Variants in MGAT5 observed in about 807,000 individuals in gnomAD.
MGAT5 encodes the protein alpha-1,6-mannosylglycoprotein 6-beta-N-acetylglucosaminyltransferase A.
A neutral mutation model predicts 94.3 loss-of-function variants in MGAT5; 30 were observed. The ratio of observed to expected loss-of-function variants is 0.32; its 90% CI spans 0.24 to 0.43. MGAT5 has a LOEUF of 0.43. Among genes scored for constraint, MGAT5 ranks in the 20% least tolerant of loss-of-function variants. The pLI, the probability that MGAT5 is intolerant of heterozygous loss-of-function variation, is 1.00. For synonymous variants in MGAT5, 310 were observed against 322.9 expected, an observed-to-expected ratio of 0.96 and a Z score of 0.43; for missense variants, 691 against 905.5, an observed-to-expected ratio of 0.76 and a Z score of 3.04.
chr2:134,344,680 A>T (rs564172464), intron 7 of MGAT5, among the ~76,000 whole-genome samples: 1 of 152,266 alleles, frequency 6.6e-6, no homozygotes, highest in South Asian at 2.1e-4. Flanking sequence ...AGTCAGACCC[A>T]TATCTTCCTT....
rs1686123380 is a variant in MGAT5, at chr2:134,451,769, A to G, written c.*2922A>G. The stretch of plus-strand genomic sequence containing the variant: ...GGGAAAACATTCATCTAATTTACTA[A>G]AAGAGAAAGCTTTCCATTGAAAGGT... On this transcript the variant is annotated 3_prime_UTR_variant, in exon 16 of 16. Coordinates refer to ENST00000281923, the MANE Select transcript of MGAT5 (RefSeq NM_002410.5). The G allele has an allele frequency of 6.6e-6, 1 of 152,242 alleles. No homozygotes were observed. The highest frequency in any genetic ancestry group is 2.1e-4 in the South Asian group (1 of 4,826). The allele number at this position is 152,242 out of a possible 1,614,324, so 9.4% of individuals were successfully genotyped here.
intron 1 of MGAT5, among the ~76,000 whole-genome samples, chr2:134,159,214 T>TGTGTGTGTGA (rs1687617073): frequency 6.6e-6 from 1 of 151,758 alleles, no homozygotes; most frequent in Admixed American, 6.6e-5. Context: ...TGTGTGTGTG[T>TGTGTGTGTGA]GTGTGTGTGT....
rs1208512243 is a variant in MGAT5 at position 134,378,888 on chromosome 2, T to TCATAGG, written c.1380+16484_1380+16489dup. Among the ~76,000 whole-genome samples the TCATAGG allele has an allele frequency of 4.6e-5, 7 of 152,334 alleles. No individual in the cohort carries two copies. In the East Asian group the frequency reaches 1.2e-3, roughly 25 times the overall value. On this transcript the variant is annotated intron_variant, in intron 10 of 15. Coordinates refer to ENST00000281923, the MANE Select transcript of MGAT5 (RefSeq NM_002410.5). Reference sequence around the variant, plus strand: ...GCCTCAGTTTCCCAAAGTGCTGGGATCATAGGCATGAGCCATCGCGCCTGG... The same window carrying TCATAGG: ...GCCTCAGTTTCCCAAAGTGCTGGGATCATAGGCATAGGCATGAGCCATCGCGCCTGG...
intron 1 of MGAT5, among the ~76,000 whole-genome samples, chr2:134,147,481 C>A (rs1010937397): frequency 2.0e-5 from 3 of 151,056 alleles, no homozygotes; most frequent in Non-Finnish European, 4.4e-5. Context: ...GGAAGAAACA[C>A]AGATCTTTTC....
chr2:134,402,379 A>G (rs1683105443), intron 10 of MGAT5, among the ~76,000 whole-genome samples: 2 of 152,114 alleles, frequency 1.3e-5, no homozygotes, highest in Non-Finnish European at 2.9e-5. Context: ...TCTTTTTTCT[A>G]CTTTTATCTA....
intron 1 of MGAT5, among the ~76,000 whole-genome samples, chr2:134,219,757 C>T (rs766904564): frequency 2.0e-5 from 3 of 152,132 alleles, no homozygotes; most frequent in Non-Finnish European, 2.9e-5. Flanking sequence ...CACAAAAACA[C>T]AGTAAAGTGG....
chr2:134,232,288 A>G (rs1681410375), intron 1 of MGAT5, among the ~76,000 whole-genome samples: 2 of 152,134 alleles, frequency 1.3e-5, no homozygotes, highest in African/African-American at 2.4e-5. Flanking sequence ...ACAGCAGCCA[A>G]TATCAAATAT....
intron 10 of MGAT5, among the ~76,000 whole-genome samples, chr2:134,398,292 G>A (rs1452433862): frequency 1.3e-5 from 2 of 152,104 alleles, no homozygotes; most frequent in Non-Finnish European, 2.9e-5. Context: ...ATTTTTCTCT[G>A]CCCTCCATGG....
At position 134,448,994 on chromosome 2, in the gene MGAT5, C is replaced by A; in HGVS notation, c.*147C>A. 2.6e-6 allele frequency: 2 copies of A among 770,086 alleles called. No homozygotes were observed. Among genetic ancestry groups the A allele is most frequent in the Non-Finnish European group, 4.1e-6 (2 of 482,812 alleles). 47.7% of individuals were successfully genotyped at this position (770,086 alleles called of 1,614,324 possible). ...AGGTTCTGAATTGGCATTGCCCTTG[C>A]TGCACTCCGAGCAACCCAGTGGAGT... On this transcript the variant is annotated 3_prime_UTR_variant, in exon 16 of 16. Transcript: ENST00000281923.
At chr2:134,417,563 T>A (rs548109717) in intron 12 of MGAT5, among the ~76,000 whole-genome samples, 1 of 152,318 alleles carries the variant, frequency 6.6e-6, no homozygotes, top group Admixed American at 6.5e-5. Context: ...TTCCCATCAG[T>A]CAAATTTGAA....
At position 134,428,364 on chromosome 2, in the gene MGAT5, G is replaced by A; in HGVS notation, c.1795-1G>A. Reference sequence around the variant, plus strand: ...CATGGTATCATGCTCTGTTTCCACAGATTGAGCCATACATGCCATATGAAT... The same window carrying A: ...CATGGTATCATGCTCTGTTTCCACAAATTGAGCCATACATGCCATATGAAT... On this transcript the variant is annotated splice_acceptor_variant, in intron 13 of 15. Transcript: ENST00000281923. LOFTEE classifies it high-confidence loss of function. 1 of 1,613,902 alleles carries A rather than the reference G, an allele frequency of 6.2e-7. No individual in the cohort carries two copies. Among genetic ancestry groups the A allele is most frequent in the Non-Finnish European group, 8.5e-7 (1 of 1,179,856 alleles).
At chr2:134,184,594 C>A (rs913453427) in intron 1 of MGAT5, among the ~76,000 whole-genome samples, 1 of 152,186 alleles carries the variant, frequency 6.6e-6, no homozygotes, top group East Asian at 1.9e-4. Context: ...GCATATCATG[C>A]ACTGCCGCAT....
At chr2:134,353,593 T>C (rs748733619) in intron 9 of MGAT5, among the ~76,000 whole-genome samples, 1 of 152,178 alleles carries the variant, frequency 6.6e-6, no homozygotes, top group African/African-American at 2.4e-5. Flanking sequence ...CTAGCACAAA[T>C]TGTATTTGAA....
At chr2:134,159,639 C>A (rs1381412340) in intron 1 of MGAT5, among the ~76,000 whole-genome samples, 1 of 152,102 alleles carries the variant, frequency 6.6e-6, no homozygotes, top group Non-Finnish European at 1.5e-5. Flanking sequence ...TACTTGAGGC[C>A]AGGAGTTTGA....
intron 14 of MGAT5, among the ~76,000 whole-genome samples, chr2:134,435,975 G>C (rs1329418693): frequency 6.6e-6 from 1 of 152,156 alleles, no homozygotes; most frequent in Admixed American, 6.5e-5. Context: ...AAAAGCAGCT[G>C]GGCCAAAAGG....
At chr2:134,367,868 C>T (rs78870007) in intron 10 of MGAT5, among the ~76,000 whole-genome samples, 1,874 of 152,358 alleles carry the variant, frequency 0.012, 44 homozygotes, top group African/African-American at 0.042. Context: ...ATAAAGGAGT[C>T]GTGAATCTGC....
intron 1 of MGAT5, among the ~76,000 whole-genome samples, chr2:134,257,592 G>T (rs1021097389): frequency 6.6e-6 from 1 of 152,186 alleles, no homozygotes; most frequent in Admixed American, 6.5e-5. Context: ...CAACAATTTG[G>T]ATTGAACAAG....
At chr2:134,351,312 CTT>C (rs1679367148) in intron 9 of MGAT5, among the ~76,000 whole-genome samples, 1 of 152,056 alleles carries the variant, frequency 6.6e-6, no homozygotes. Context: ...TGCTGTGTAA[CTT>C]TGAGGGATGG....
intron 12 of MGAT5, among the ~76,000 whole-genome samples, chr2:134,415,934 C>G (rs1481626693): frequency 6.6e-6 from 1 of 152,138 alleles, no homozygotes; most frequent in Non-Finnish European, 1.5e-5. Flanking sequence ...TCTGGTTTCT[C>G]TGTTCTGTTC....
Sources: gnomAD v4.1 joint callset for allele counts (sites outside exome capture counted in the v4.1 genomes callset) on GRCh38, gnomAD v4.1.1 for gene constraint, MANE v1.5 for transcripts, NCBI Gene and HGNC (gene_info 2026-07-23, HGNC 2026-07-21) for gene names.